Variants in ATM observed in about 807,000 individuals in gnomAD.
ATM encodes ATM serine/threonine kinase, also known as serine-protein kinase ATM.
A neutral mutation model predicts 387.0 loss-of-function variants in ATM; 308 were observed. That is an observed-to-expected ratio of 0.80 (90% CI 0.73 to 0.87). ATM has a LOEUF of 0.87. Ranked by LOEUF, ATM falls within the 40% of genes least tolerant of loss-of-function variation. ATM has a pLI of 0.00. For synonymous variants in ATM, 1,156 were observed against 1,187.3 expected, an observed-to-expected ratio of 0.97 and a Z score of 0.54; for missense variants, 3,312 against 3,560.9, an observed-to-expected ratio of 0.93 and a Z score of 1.78.
intron 43 of ATM, among the ~76,000 whole-genome samples, chr11:108,318,755 A>G (rs2084967352): frequency 6.6e-6 from 1 of 152,170 alleles, no homozygotes; most frequent in African/African-American, 2.4e-5. Flanking sequence ...TAAGGTCACC[A>G]TGTTTTCTGA....
chr11:108,268,682 T>G (rs1189384953), intron 18 of ATM, 73 bp downstream of exon 18: 1 of 1,458,326 alleles, frequency 6.9e-7, no homozygotes, highest in Non-Finnish European at 9.6e-7. Context: ...AGTTGACATG[T>G]AAGAATCACA....
chr11:108,315,782 T>G, intron 40 of ATM, 41 bp from the exon 41 acceptor site: 2 of 1,533,304 alleles, frequency 1.3e-6, no homozygotes, highest in Non-Finnish European at 1.8e-6. Context: ...ATAGACCGAT[T>G]TTTTTTCCTT....
intron 5 of ATM, among the ~76,000 whole-genome samples, chr11:108,238,176 C>T (rs1220445772): frequency 6.6e-6 from 1 of 152,152 alleles, no homozygotes; most frequent in African/African-American, 2.4e-5. Flanking sequence ...ATCCACCTGC[C>T]TCAGCCTCCC....
chr11:108,316,222 G>C, intron 42 of ATM, 109 bp downstream of exon 42: 1 of 1,044,874 alleles, frequency 9.6e-7, no homozygotes, highest in Admixed American at 2.0e-5. Context: ...GATAAGACTA[G>C]AACTTATCTG....
intron 16 of ATM, among the ~76,000 whole-genome samples, chr11:108,261,173 C>A (rs1357890388): frequency 2.0e-5 from 3 of 152,236 alleles, no homozygotes; most frequent in Non-Finnish European, 4.4e-5. Context: ...GTAGGCTCCA[C>A]CTCTGGGGGC....
chr11:108,253,279 A>G (rs1249066863), intron 12 of ATM, among the ~76,000 whole-genome samples: 1 of 152,188 alleles, frequency 6.6e-6, no homozygotes, highest in African/African-American at 2.4e-5. Context: ...TTAAAAACTA[A>G]TGATAATTGA....
intron 25 of ATM, among the ~76,000 whole-genome samples, chr11:108,284,020 T>C (rs2082360525): frequency 6.6e-6 from 1 of 152,166 alleles, no homozygotes; most frequent in African/African-American, 2.4e-5. Flanking sequence ...ATGGTGGTGG[T>C]ATGTTCTAAG....
chr11:108,315,996 A>T lies in ATM; in HGVS notation c.6096-15A>T, dbSNP rs2136126146. On this transcript the variant is annotated splice_polypyrimidine_tract_variant and intron_variant, in intron 41 of 62. Coordinates refer to ENST00000675843, the MANE Select transcript of ATM (RefSeq NM_000051.4). ...GTGTAAAACCCAAAGCTATTTTCACAATCTTTTCTTATAGACTACGAACAT... is the reference window on the plus strand; with the variant it reads ...GTGTAAAACCCAAAGCTATTTTCACTATCTTTTCTTATAGACTACGAACAT... 6.2e-7 allele frequency: 1 copy of T among 1,613,548 alleles called. No homozygotes were observed. Among genetic ancestry groups the T allele is most frequent in the Non-Finnish European group, 8.5e-7 (1 of 1,179,468 alleles).
At position 108,270,981 on chromosome 11, in the gene ATM, A is replaced by G. The variant is rs964489833; in HGVS notation, c.2839-83A>G. ...AGTGCTGGGATTACAGGTGTGAGCC[A>G]CTGCACCCGGCCTATGTTTATATAC... On this transcript the variant is annotated intron_variant, in intron 18 of 62. Transcript: ENST00000675843. 7 of 1,175,224 alleles carry G rather than the reference A, an allele frequency of 6.0e-6. No homozygotes were observed. The African/African-American group carries it at 6.1e-5, about 10-fold the overall frequency. The allele number at this position is 1,175,224 out of a possible 1,614,324, so 72.8% of individuals were successfully genotyped here. A position where few individuals can be genotyped will look rare whatever the true frequency, so the allele number is the denominator to read the frequency against.
intron 29 of ATM, chr11:108,290,799 G>A (rs1221605394): frequency 1.3e-5 from 2 of 151,076 alleles, no homozygotes; most frequent in Admixed American, 6.6e-5. Context: ...TTCATGCCTG[G>A]GCAACAGAGT....
intron 48 of ATM, 42 bp downstream of exon 48, chr11:108,327,800 G>GCTAAGT: frequency 2.2e-6 from 3 of 1,355,788 alleles, no homozygotes; most frequent in Non-Finnish European, 3.2e-6. Flanking sequence ...TACTTAGCAT[G>GCTAAGT]AATATGCTTC....
Position 108,279,687 on chromosome 11 carries a change from A to G in ATM, c.3402+79A>G, listed in dbSNP as rs140262271. ...CATAAATTACTTCACCAAGTTTGGTATAAGAGAGTTTATAATCCAGTAGTT... is the reference window on the plus strand; with the variant it reads ...CATAAATTACTTCACCAAGTTTGGTGTAAGAGAGTTTATAATCCAGTAGTT... On this transcript the variant is annotated intron_variant, in intron 23 of 62. Transcript: ENST00000675843. 4.3e-6 allele frequency: 5 copies of G among 1,159,862 alleles called. No individual in the cohort carries two copies. The African/African-American group carries it at 6.0e-5, about 14-fold the overall frequency. 71.8% of individuals were successfully genotyped at this position (1,159,862 alleles called of 1,614,324 possible). A position where few individuals can be genotyped will look rare whatever the true frequency, so the allele number is the denominator to read the frequency against.
At chr11:108,321,194 TC>T in intron 44 of ATM, 106 bp from the exon 45 acceptor site, 1 of 1,419,784 alleles carries the variant, frequency 7.0e-7, no homozygotes, top group South Asian at 1.2e-5. Context: ...TATTATTAGA[TC>T]AGTAGCAAAG....
At position 108,284,227 on chromosome 11, in the gene ATM, A is replaced by C; in HGVS notation, c.3747A>C (p.Arg1249Ser). ...GTATTTTAAATTTTTCTATTTTTAGATCTTGTTATAAGGTTTTGATTCCAC... is the reference window on the plus strand; with the variant it reads ...GTATTTTAAATTTTTCTATTTTTAGCTCTTGTTATAAGGTTTTGATTCCAC... ...LNYTNIEDFY[R>S]SCYKVLIPHL... Residue 1249 changes from arginine (R) to serine (S), a missense_variant and splice_region_variant, in exon 26 of 63, where the codon AGA becomes AGC. Arg to Ser is a moderately radical substitution (Grantham distance 110). This residue lies in a region of ATM where 1,791 missense variants were observed against 1,804.5 expected (regional missense o/e 0.99). Coordinates refer to ENST00000675843, the MANE Select transcript of ATM (RefSeq NM_000051.4). 6.2e-7 allele frequency: 1 copy of C among 1,603,262 alleles called. No individual in the cohort carries two copies. Among genetic ancestry groups the C allele is most frequent in the Non-Finnish European group, 8.5e-7 (1 of 1,172,372 alleles).
In ATM at chr11:108,244,076, C is replaced by G. The variant is rs876660296; in HGVS notation, c.620C>G (p.Ser207Cys). 1 of 1,613,658 alleles carries G rather than the reference C, an allele frequency of 6.2e-7. No homozygotes were observed. Among genetic ancestry groups the G allele is most frequent in the Non-Finnish European group, 8.5e-7 (1 of 1,179,864 alleles). Residue 207 changes from serine to cysteine, a missense_variant, in exon 6 of 63, where the codon TCC (serine) becomes TGC (cysteine). Physicochemically the swap from Ser to Cys is moderately radical, Grantham distance 112. Coordinates refer to ENST00000675843, the MANE Select transcript of ATM (RefSeq NM_000051.4). ...TGTTCTCAGACTGACGGATTAAATT[C>G]CAAATTTTTGGACTTTTTTTCCAAG... ...GCCSQTDGLNSKFLDFFSKAI... is the reference protein window; with the variant it reads ...GCCSQTDGLNCKFLDFFSKAI...
chr11:108,308,715 A>G (rs909599911), intron 38 of ATM: 7 of 324,340 alleles, frequency 2.2e-5, no homozygotes, highest in Non-Finnish European at 2.9e-5. Flanking sequence ...GAGGTGAGTG[A>G]AAAATGAAAT....
At chr11:108,330,119 C>G in intron 49 of ATM, 95 bp from the exon 50 acceptor site, 1 of 1,418,692 alleles carries the variant, frequency 7.0e-7, no homozygotes, top group East Asian at 2.5e-5. Context: ...GATAAAAACC[C>G]AACTTTTTTC....
At chr11:108,263,007 A>G (rs188204743) in intron 16 of ATM, among the ~76,000 whole-genome samples, 77 of 152,294 alleles carry the variant, frequency 5.1e-4, no homozygotes, top group African/African-American at 1.8e-3. Context: ...ACCTACAAAC[A>G]GACTTAGACT....
intron 16 of ATM, among the ~76,000 whole-genome samples, chr11:108,260,449 T>C (rs993319315): frequency 1.3e-5 from 2 of 152,200 alleles, no homozygotes; most frequent in Non-Finnish European, 2.9e-5. Context: ...GTGTGTATGA[T>C]GGATGTAGGA....
Sources: gnomAD v4.1 joint callset for allele counts (sites outside exome capture counted in the v4.1 genomes callset) on GRCh38, gnomAD v4.1.1 for gene constraint, gnomAD v4.1.1 regional missense constraint, MANE v1.5 for transcripts, NCBI Gene and HGNC (gene_info 2026-07-23, HGNC 2026-07-21) for gene names.